Variants in TTC23 observed in about 807,000 individuals in gnomAD.
TTC23 encodes tetratricopeptide repeat protein 23.
A neutral mutation model predicts 55.1 loss-of-function variants in TTC23; 58 were observed. That is an observed-to-expected ratio of 1.05 (90% CI 0.85 to 1.31). The LOEUF (loss-of-function observed/expected upper bound fraction) is 1.31, where lower values mean the gene tolerates loss of function less well. Among genes scored for constraint, TTC23 ranks in the 50% most tolerant of loss-of-function variants. The probability of loss-of-function intolerance (pLI) is 0.00; values close to 1 mark genes in which losing one functional copy is unlikely to be tolerated. For synonymous variants in TTC23, 203 were observed against 199.9 expected (o/e 1.02, Z -0.13); for missense variants, 516 against 534.4 (o/e 0.97, Z 0.34).
At chr15:99,191,223 C>T (rs950439203) in intron 9 of TTC23, among the ~76,000 whole-genome samples, 2 of 152,202 alleles carry the variant, frequency 1.3e-5, no homozygotes. Flanking sequence ...TTGATTTCAA[C>T]TTAATACCTT....
chr15:99,162,518 G>A (rs2006920), intron 10 of TTC23, among the ~76,000 whole-genome samples: 9,390 of 152,182 alleles, frequency 0.062, 326 homozygotes, highest in Admixed American at 0.11. Flanking sequence ...TGAATGGCCC[G>A]TAAGCATATT....
chr15:99,143,723 C>G (rs192004714), intron 12 of TTC23, among the ~76,000 whole-genome samples: 36 of 152,310 alleles, frequency 2.4e-4, no homozygotes, highest in Admixed American at 2.0e-3. Flanking sequence ...AAACAGGGAG[C>G]TTTTCTTTCC....
Position 99,137,780 on chromosome 15 carries a change from C to G in TTC23, c.*230G>C, listed in dbSNP as rs2067708848. 2 of 608,980 alleles carry G rather than the reference C, an allele frequency of 3.3e-6. No individual in the cohort carries two copies. The highest frequency in any genetic ancestry group is 2.6e-5 in the South Asian group (1 of 37,802). The allele number at this position is 608,980 out of a possible 1,614,324, so 37.7% of individuals were successfully genotyped here. A position where few individuals can be genotyped will look rare whatever the true frequency, so the allele number is the denominator to read the frequency against. On this transcript the variant is annotated 3_prime_UTR_variant, in exon 14 of 14. Coordinates refer to ENST00000394132, the MANE Select transcript of TTC23 (RefSeq NM_001288615.3). ...AAATTCTTGTTGGCAAGAAAAACCA[C>G]TTAGGTGATAGAAAACTGCTTTATA... is the stretch of plus-strand genomic sequence containing the variant.
chr15:99,241,231 C>A (rs1009470595), intron 3 of TTC23, 134 bp downstream of exon 3: 1 of 152,786 alleles, frequency 6.5e-6, no homozygotes, highest in African/African-American at 2.4e-5. Flanking sequence ...ACAAGAATCG[C>A]TTGAACCTGG....
intron 9 of TTC23, among the ~76,000 whole-genome samples, chr15:99,196,994 G>A (rs2075769913): frequency 2.0e-5 from 3 of 152,046 alleles, no homozygotes; most frequent in Admixed American, 6.5e-5. Context: ...CTGCCCTCTT[G>A]CCTAGGCTTG....
rs1259398313 is a variant in TTC23 at position 99,138,127 on chromosome 15, C to T, written c.1227G>A (p.Thr409=). 1 of 1,612,158 alleles carries T rather than the reference C, an allele frequency of 6.2e-7. No individual in the cohort carries two copies. ...ATQQAMGMLS[T]APKVASKPRQ... ...TTGGCTTCGAAGCAACCTTGGGGGC[C>T]CTGCAGACAAGCAGAGGGTGGGGTG... is the stretch of plus-strand genomic sequence containing the variant. The change falls in exon 14 of 14, where the codon ACG becomes ACA. Residue 409 remains threonine (T), a splice_region_variant and synonymous_variant. Coordinates refer to ENST00000394132, the MANE Select transcript of TTC23 (RefSeq NM_001288615.3).
At chr15:99,196,315 G>A (rs184498820) in intron 9 of TTC23, among the ~76,000 whole-genome samples, 164 of 152,166 alleles carry the variant, frequency 1.1e-3, no homozygotes, top group Middle Eastern at 6.8e-3. Context: ...TGCTGGTGGC[G>A]AGGTACATCA....
chr15:99,159,582 C>T (rs1158197520), intron 11 of TTC23: 3 of 152,226 alleles, frequency 2.0e-5, no homozygotes, highest in Admixed American at 2.0e-4. Context: ...CTGGCACTGC[C>T]CGGAAGTGGG....
intron 8 of TTC23, among the ~76,000 whole-genome samples, chr15:99,218,084 T>C (rs1596787645): frequency 6.6e-6 from 1 of 152,234 alleles, no homozygotes; most frequent in Non-Finnish European, 1.5e-5. Context: ...ATAAAAGTAC[T>C]AACTATGCAC....
At chr15:99,175,854 G>C (rs1246472262) in intron 9 of TTC23, among the ~76,000 whole-genome samples, 2 of 152,180 alleles carry the variant, frequency 1.3e-5, no homozygotes, top group African/African-American at 4.8e-5. Flanking sequence ...AATTAGCCGG[G>C]TATGGTGGTG....
chr15:99,167,877 C>T lies in TTC23; in HGVS notation c.866-6010G>A, dbSNP rs528927378. On this transcript the variant is annotated intron_variant, in intron 10 of 13. Coordinates refer to ENST00000394132, the MANE Select transcript of TTC23 (RefSeq NM_001288615.3). ...GAAATAGTCCCTACTCTGTACCAAC[C>T]GCAAAGGACCCCAGGGAGTTTAAAA... Among the ~76,000 whole-genome samples the T allele has an allele frequency of 8.5e-5, 13 of 152,252 alleles. No homozygotes were observed. The South Asian group carries it at 1.5e-3, about 17-fold the overall frequency.
chr15:99,169,431 T>C (rs2072605789), intron 10 of TTC23, among the ~76,000 whole-genome samples: 1 of 152,006 alleles, frequency 6.6e-6, no homozygotes, highest in Admixed American at 6.6e-5. Flanking sequence ...AAGAAGGGCA[T>C]GGGAAGGTAA....
At chr15:99,214,391 C>G (rs1037944313) in intron 8 of TTC23, among the ~76,000 whole-genome samples, 1 of 151,604 alleles carries the variant, frequency 6.6e-6, no homozygotes, top group African/African-American at 2.4e-5. Flanking sequence ...GCCTGTAGTC[C>G]CCACTACTCG....
intron 9 of TTC23, among the ~76,000 whole-genome samples, chr15:99,191,865 T>G (rs1237625155): frequency 6.6e-6 from 1 of 152,182 alleles, no homozygotes; most frequent in African/African-American, 2.4e-5. Context: ...GTTTGGAACT[T>G]CCTAGATACT....
intron 9 of TTC23, among the ~76,000 whole-genome samples, chr15:99,179,422 G>A (rs1440011698): frequency 6.6e-6 from 1 of 152,234 alleles, no homozygotes; most frequent in Non-Finnish European, 1.5e-5. Flanking sequence ...CCCATTGCCT[G>A]TGTTGAAAAT....
chr15:99,156,190 C>T lies in TTC23; in HGVS notation c.1101G>A (p.Leu367=). 6.2e-7 allele frequency: 1 copy of T among 1,614,232 alleles called. No individual in the cohort carries two copies. The highest frequency in any genetic ancestry group is 8.5e-7 in the Non-Finnish European group (1 of 1,180,044). ...ETYRLLGGAD[L]AQGNHSGARK... Reference sequence around the variant, plus strand: ...GGGCCCCACTGTGGTTCCCCTGCGCCAGGTCTGCTCCTCCCAGGAGCCGGT... The same window carrying T: ...GGGCCCCACTGTGGTTCCCCTGCGCTAGGTCTGCTCCTCCCAGGAGCCGGT... Residue 367 remains leucine (L), a synonymous_variant, in exon 12 of 14, where the codon CTG becomes CTA. Transcript: ENST00000394132.
chr15:99,200,786 CA>C (rs1214222094), intron 8 of TTC23, among the ~76,000 whole-genome samples: 1 of 152,170 alleles, frequency 6.6e-6, no homozygotes, highest in African/African-American at 2.4e-5. Flanking sequence ...TTTACCTTAG[CA>C]TTCTCTATAA....
intron 12 of TTC23, among the ~76,000 whole-genome samples, chr15:99,143,104 C>G (rs561052346): frequency 6.6e-6 from 1 of 152,288 alleles, no homozygotes; most frequent in South Asian, 2.1e-4. Context: ...CCTCACTAAT[C>G]CCTTGTGTGA....
At chr15:99,232,340 G>A (rs574057158) in intron 4 of TTC23, among the ~76,000 whole-genome samples, 10 of 151,552 alleles carry the variant, frequency 6.6e-5, no homozygotes, top group South Asian at 2.1e-4. Flanking sequence ...TTAGCTGGGC[G>A]TGGTGGCACA....
Sources: allele counts gnomAD v4.1 joint callset (sites outside exome capture counted in the v4.1 genomes callset), GRCh38; gene constraint gnomAD v4.1.1; transcripts MANE v1.5; gene names NCBI Gene and HGNC (gene_info 2026-07-23, HGNC 2026-07-21).